The following RABEP1 variants were observed in gnomAD, a reference collection of about 807,000 sequenced individuals.
RABEP1 encodes the protein rab GTPase-binding effector protein 1.
A neutral mutation model predicts 123.4 loss-of-function variants in RABEP1; 51 were observed. The ratio of observed to expected loss-of-function variants is 0.41; its 90% CI spans 0.33 to 0.52. The LOEUF is 0.52. Among genes scored for constraint, RABEP1 ranks in the 20% least tolerant of loss-of-function variants. The pLI is 0.16. For missense variants in RABEP1, 888 were observed against 996.3 expected (o/e 0.89, Z 1.46); for synonymous variants, 347 against 355.2 (o/e 0.98, Z 0.26).
At chr17:5,352,361 T>G (rs545805410) in intron 7 of RABEP1, among the ~76,000 whole-genome samples, 2 of 151,628 alleles carry the variant, frequency 1.3e-5, no homozygotes, top group African/African-American at 4.8e-5. Context: ...CCTGGCTAAC[T>G]TTTGTATTTT....
At chr17:5,315,687 CT>C (rs1283813996) in intron 2 of RABEP1, among the ~76,000 whole-genome samples, 1 of 151,910 alleles carries the variant, frequency 6.6e-6, no homozygotes, top group African/African-American at 2.4e-5. Flanking sequence ...CCCATCTCTA[CT>C]AAAAATACAA....
Position 5,384,441 on chromosome 17 carries a change from A to C in RABEP1, c.*1218A>C, listed in dbSNP as rs1479262384. 6 of 215,370 alleles carry C rather than the reference A, an allele frequency of 2.8e-5. No individual in the cohort carries two copies. Among genetic ancestry groups the C allele is most frequent in the Non-Finnish European group, 4.7e-5 (5 of 106,930 alleles). The allele number at this position is 215,370 out of a possible 1,614,324, so 13.3% of individuals were successfully genotyped here. On this transcript the variant is annotated 3_prime_UTR_variant, in exon 18 of 18. Coordinates refer to ENST00000537505, the MANE Select transcript of RABEP1 (RefSeq NM_004703.6). Reference sequence around the variant, plus strand: ...TTCATCATCCAGGAGGTTCAAAAGTAAGATGGTTTTCAAATCATTTTTGAG... The same window carrying C: ...TTCATCATCCAGGAGGTTCAAAAGTCAGATGGTTTTCAAATCATTTTTGAG...
chr17:5,362,448 A>G (rs1295374039), intron 9 of RABEP1, among the ~76,000 whole-genome samples: 1 of 152,226 alleles, frequency 6.6e-6, no homozygotes, highest in East Asian at 1.9e-4. Context: ...ACCGGTCAGT[A>G]AGTGGAACAG....
intron 1 of RABEP1, among the ~76,000 whole-genome samples, chr17:5,287,050 T>G (rs1602915): frequency 1 from 151,773 of 152,316 alleles, 75,618 homozygotes; most frequent in East Asian, 1. Flanking sequence ...CATGTTTGAG[T>G]AATGGCATGG....
intron 1 of RABEP1, among the ~76,000 whole-genome samples, chr17:5,303,389 G>A (rs1442997797): frequency 6.6e-6 from 1 of 152,022 alleles, no homozygotes; most frequent in Non-Finnish European, 1.5e-5. Context: ...TGACAGGCAC[G>A]CACTATCACG....
intron 10 of RABEP1, chr17:5,364,351 G>A (rs1194200143): frequency 6.6e-6 from 1 of 152,218 alleles, no homozygotes; most frequent in Non-Finnish European, 1.5e-5. Flanking sequence ...CACAGGGGGT[G>A]ACTGTTACGA....
chr17:5,329,844 T>TATATATAA (rs1040436033), intron 2 of RABEP1, among the ~76,000 whole-genome samples: 11 of 147,648 alleles, frequency 7.5e-5, no homozygotes, highest in African/African-American at 2.7e-4. Context: ...TATATATATA[T>TATATATAA]AACTAAAGTT....
chr17:5,348,081 GA>G, intron 6 of RABEP1, among the ~76,000 whole-genome samples: 1 of 152,022 alleles, frequency 6.6e-6, no homozygotes, highest in South Asian at 2.1e-4. Flanking sequence ...GGGTTCAAGT[GA>G]TTCTCCTGCT....
At chr17:5,379,613 C>T (rs1254117581) in intron 15 of RABEP1, among the ~76,000 whole-genome samples, 1 of 152,186 alleles carries the variant, frequency 6.6e-6, no homozygotes, top group Non-Finnish European at 1.5e-5. Context: ...ATTACCAGCG[C>T]TCGAAATAAC....
chr17:5,283,527 A>G (rs1047232985), intron 1 of RABEP1, among the ~76,000 whole-genome samples: 5 of 152,086 alleles, frequency 3.3e-5, no homozygotes, highest in Non-Finnish European at 7.4e-5. Context: ...GTCCCACTGT[A>G]TCTAGTTGTG....
At chr17:5,335,104 A>G (rs573002392) in intron 3 of RABEP1, 80 bp from the exon 4 acceptor site, 56 of 1,256,620 alleles carry the variant, frequency 4.5e-5, no homozygotes, top group Non-Finnish European at 6.1e-5. Context: ...AGCTTTTTAT[A>G]TAACTTTAAA....
chr17:5,347,433 A>G (rs980588448), intron 6 of RABEP1, among the ~76,000 whole-genome samples: 1 of 151,872 alleles, frequency 6.6e-6, no homozygotes, highest in Non-Finnish European at 1.5e-5. Context: ...AAACAAACAA[A>G]CAAACAAACA....
chr17:5,367,516 G>A (rs538026671), intron 11 of RABEP1, among the ~76,000 whole-genome samples: 7 of 151,582 alleles, frequency 4.6e-5, no homozygotes, highest in East Asian at 3.9e-4. Flanking sequence ...TGATCCATCC[G>A]CCTCGGCCTC....
intron 8 of RABEP1, among the ~76,000 whole-genome samples, chr17:5,355,819 T>C (rs970987753): frequency 6.6e-6 from 1 of 152,236 alleles, no homozygotes; most frequent in Non-Finnish European, 1.5e-5. Flanking sequence ...GAAGTTGTTT[T>C]GTTCATTCTT....
chr17:5,383,090 C>G (rs751563152), intron 17 of RABEP1, 32 bp from the exon 18 acceptor site: 9 of 1,591,246 alleles, frequency 5.7e-6, no homozygotes, highest in Admixed American at 3.3e-5. Flanking sequence ...AGGCAGGAGC[C>G]ACCTGTAGTT....
chr17:5,377,668 A>G (rs1911114462), intron 14 of RABEP1, among the ~76,000 whole-genome samples: 1 of 151,988 alleles, frequency 6.6e-6, no homozygotes, highest in Non-Finnish European at 1.5e-5. Flanking sequence ...CTGGGATTAC[A>G]GGCATGTGTG....
At chr17:5,289,293 GAGCTCTTTGTAAATTATATT>G (rs997801936) in intron 1 of RABEP1, among the ~76,000 whole-genome samples, 21 of 151,692 alleles carry the variant, frequency 1.4e-4, no homozygotes, top group African/African-American at 5.1e-4. Flanking sequence ...TAATTTGGAG[GAGCTCTTTGTAAATTATATT>G]AGCCCTTTGG....
intron 1 of RABEP1, among the ~76,000 whole-genome samples, chr17:5,293,466 C>T (rs996294024): frequency 6.6e-6 from 1 of 151,974 alleles, no homozygotes; most frequent in Non-Finnish European, 1.5e-5. Context: ...GGTCTCTCTC[C>T]ATCACCCAGG....
chr17:5,372,180 C>T (rs1910573727), intron 12 of RABEP1, among the ~76,000 whole-genome samples: 1 of 152,010 alleles, frequency 6.6e-6, no homozygotes, highest in South Asian at 2.1e-4. Context: ...TGCGGTGGCT[C>T]ACGCCTGTAA....
Sources: allele counts gnomAD v4.1 joint callset (sites outside exome capture counted in the v4.1 genomes callset), GRCh38; gene constraint gnomAD v4.1.1; transcripts MANE v1.5; gene names NCBI Gene and HGNC (gene_info 2026-07-23, HGNC 2026-07-21).